NUB1: variants seen among roughly 807,000 people sequenced by gnomAD.
NUB1 encodes the protein negative regulator of ubiquitin like proteins 1.
In NUB1, 41 loss-of-function variants were observed where a neutral mutation model predicts 77.1. The observed-to-expected ratio is 0.53, with a 90% CI of 0.41 to 0.69. The LOEUF is 0.69. NUB1 is among the 30% of genes least tolerant of loss of function. The pLI is 0.00. For synonymous variants in NUB1, 257 were observed against 281.0 expected, an observed-to-expected ratio of 0.91 and a Z score of 0.85; for missense variants, 643 against 743.8, an observed-to-expected ratio of 0.86 and a Z score of 1.58.
At chr7:151,371,868 C>T (rs764161493) in intron 11 of NUB1, among the ~76,000 whole-genome samples, 13 of 152,224 alleles carry the variant, frequency 8.5e-5, no homozygotes, top group South Asian at 2.1e-4. Context: ...CAAGAGCTCT[C>T]GGCTGATTTT....
At position 151,377,069 on chromosome 7, in the gene NUB1, C is replaced by A; in HGVS notation, c.1692C>A (p.Asp564Glu). The change falls in exon 15 of 15, where the codon GAC becomes GAA. Residue 564 changes from aspartate (D) to glutamate (E), a missense_variant. By Grantham distance (45) the Asp-to-Glu change is conservative (BLOSUM62 2). Coordinates refer to ENST00000568733, the MANE Select transcript of NUB1 (RefSeq NM_001243351.2). Reference sequence around the variant, plus strand: ...TAGGAACCTCTAGTGCCTCAACAGACGAAGACATGGAGACAGAGGCCGTCA... The same window carrying A: ...TAGGAACCTCTAGTGCCTCAACAGAAGAAGACATGGAGACAGAGGCCGTCA... Reference protein sequence around the residue: ...DSAGTSSASTDEDMETEAVNE... With the variant: ...DSAGTSSASTEEDMETEAVNE... The A allele has an allele frequency of 1.3e-6, 2 of 1,565,526 alleles. No individual in the cohort carries two copies. Among genetic ancestry groups the A allele is most frequent in the East Asian group, 2.3e-5 (1 of 43,430 alleles).
rs759624297 is a variant in NUB1, at chr7:151,356,236, G to A, written c.693+14G>A. 4 of 1,562,366 alleles carry A rather than the reference G, an allele frequency of 2.6e-6. No homozygotes were observed. In the South Asian group the frequency reaches 4.5e-5, roughly 17 times the overall value. On this transcript the variant is annotated intron_variant, in intron 7 of 14. Transcript: ENST00000568733. Reference sequence around the variant, plus strand: ...TCAGAAAGAAAAGTAAGTACTATGAGAAATGTGTGGCCTGTTCTTAGATTT... The same window carrying A: ...TCAGAAAGAAAAGTAAGTACTATGAAAAATGTGTGGCCTGTTCTTAGATTT...
rs758140717 is a variant in NUB1 at position 151,354,322 on chromosome 7, C to CTTT, written c.416-1433_416-1431dup. Among the ~76,000 whole-genome samples the CTTT allele has an allele frequency of 1.1e-4, 14 of 127,168 alleles. 1 individual carries two copies. Among genetic ancestry groups the CTTT allele is most frequent in the Admixed American group, 4.7e-4 (6 of 12,752 alleles). 83.4% of individuals were successfully genotyped at this position (127,168 alleles called of 152,430 possible). The stretch of plus-strand genomic sequence containing the variant: ...ATCTGGTGACCTCCCCCCACCCTTG[C>CTTT]TTTTTTTTTTTTTTTAATCAAGATG... On this transcript the variant is annotated intron_variant, in intron 5 of 14. Coordinates refer to ENST00000568733, the MANE Select transcript of NUB1 (RefSeq NM_001243351.2).
intron 14 of NUB1, 100 bp downstream of exon 14, chr7:151,376,911 G>T: frequency 7.0e-7 from 1 of 1,433,750 alleles, no homozygotes; most frequent in Non-Finnish European, 9.3e-7. Context: ...CTGAGGGGGC[G>T]TCCCCTGACG....
At chr7:151,371,796 G>A (rs1797970556) in intron 11 of NUB1, among the ~76,000 whole-genome samples, 2 of 152,112 alleles carry the variant, frequency 1.3e-5, no homozygotes, top group Admixed American at 6.5e-5. Context: ...CAGGCTGGAG[G>A]GCAGTGGCGT....
At chr7:151,376,951 C>A in intron 14 of NUB1, 96 bp from the exon 15 acceptor site, 1 of 1,410,894 alleles carries the variant, frequency 7.1e-7, no homozygotes, top group Admixed American at 2.6e-5. Flanking sequence ...GACAGTGTGG[C>A]CAGCAAGAGG....
intron 9 of NUB1, among the ~76,000 whole-genome samples, 185 bp from the exon 10 acceptor site, chr7:151,367,676 T>TGA (rs1013744988): frequency 6.6e-6 from 1 of 152,266 alleles, no homozygotes; most frequent in South Asian, 2.1e-4. Flanking sequence ...ATGAGGAATG[T>TGA]TATCATACCA....
At chr7:151,365,545 C>A (rs1797632723) in intron 8 of NUB1, among the ~76,000 whole-genome samples, 1 of 152,112 alleles carries the variant, frequency 6.6e-6, no homozygotes, top group Admixed American at 6.5e-5. Context: ...GTCACTGGGA[C>A]CAGAATGTGC....
chr7:151,349,780 C>T (rs1554406729), intron 3 of NUB1, among the ~76,000 whole-genome samples: 1 of 152,240 alleles, frequency 6.6e-6, no homozygotes, highest in Non-Finnish European at 1.5e-5. Flanking sequence ...AGAGCATAGG[C>T]TCCAGCCCTA....
intron 1 of NUB1, 38 bp from the exon 2 acceptor site, chr7:151,345,310 C>T (rs749975721): frequency 2.1e-5 from 27 of 1,293,112 alleles, no homozygotes; most frequent in African/African-American, 2.9e-5. Context: ...TTTTAAAATG[C>T]GATGTGGAGT....
At chr7:151,367,557 G>T (rs1222047576) in intron 9 of NUB1, among the ~76,000 whole-genome samples, 1 of 152,212 alleles carries the variant, frequency 6.6e-6, no homozygotes, top group Non-Finnish European at 1.5e-5. Flanking sequence ...TGCTGATGCA[G>T]ACTCTCTGAT....
At chr7:151,351,377 A>G in intron 3 of NUB1, 47 bp from the exon 4 acceptor site, 1 of 1,416,326 alleles carries the variant, frequency 7.1e-7, no homozygotes, top group South Asian at 1.2e-5. Context: ...AATCTCTCCA[A>G]AATGGGTTAA....
chr7:151,344,115 A>G (rs1347443533), intron 1 of NUB1, among the ~76,000 whole-genome samples: 1 of 125,996 alleles, frequency 7.9e-6, no homozygotes, highest in Non-Finnish European at 1.6e-5. Flanking sequence ...CGGGAGGCGG[A>G]GCTTGCAGTG....
At chr7:151,344,925 AG>A (rs1349036227) in intron 1 of NUB1, among the ~76,000 whole-genome samples, 3 of 151,744 alleles carry the variant, frequency 2.0e-5, no homozygotes, top group Non-Finnish European at 4.4e-5. Flanking sequence ...GCTTGAACCC[AG>A]GGGGCGGAGC....
intron 5 of NUB1, among the ~76,000 whole-genome samples, chr7:151,354,502 T>C (rs888345745): frequency 2.6e-5 from 4 of 152,234 alleles, no homozygotes; most frequent in African/African-American, 9.6e-5. Flanking sequence ...TCTGTTTGCA[T>C]CTATGTTTAC....
At position 151,367,968 on chromosome 7, in the gene NUB1, G is replaced by T; in HGVS notation, c.1095G>T (p.Lys365Asn). Residue 365 changes from lysine to asparagine, a missense_variant and splice_region_variant, in exon 10 of 15, where the codon AAG (lysine) becomes AAT (asparagine). Transcript: ENST00000568733. ...TAGAGGCTTATGAGTATCTTAACAAGGTAAGAAAAGTAAAGTTGTAACCAA... is the reference window on the plus strand; with the variant it reads ...TAGAGGCTTATGAGTATCTTAACAATGTAAGAAAAGTAAAGTTGTAACCAA... ...NDVEAYEYLNKARQLFKELYI... is the reference protein window; with the variant it reads ...NDVEAYEYLNNARQLFKELYI... 1 of 1,533,042 alleles carries T rather than the reference G, an allele frequency of 6.5e-7. No individual in the cohort carries two copies. The highest frequency in any genetic ancestry group is 2.0e-5 in the Admixed American group (1 of 50,036). 95.0% of individuals were successfully genotyped at this position (1,533,042 alleles called of 1,614,324 possible).
intron 1 of NUB1, among the ~76,000 whole-genome samples, chr7:151,344,557 G>C (rs189760357): frequency 6.6e-6 from 1 of 151,102 alleles, no homozygotes; most frequent in African/African-American, 2.4e-5. Context: ...CCTGACCTCA[G>C]CTCCTGAACT....
intron 2 of NUB1, among the ~76,000 whole-genome samples, chr7:151,348,542 A>G (rs1796612366): frequency 6.9e-6 from 1 of 145,342 alleles, no homozygotes; most frequent in South Asian, 2.1e-4. Flanking sequence ...CATTTATCAA[A>G]TAAATGTTTT....
intron 12 of NUB1, among the ~76,000 whole-genome samples, chr7:151,375,255 G>T (rs1197842519): frequency 6.6e-6 from 1 of 152,048 alleles, no homozygotes; most frequent in Admixed American, 6.5e-5. Flanking sequence ...CATCTAGTTC[G>T]TTTTTTTGTG....
Sources: allele counts gnomAD v4.1 joint callset (sites outside exome capture counted in the v4.1 genomes callset), GRCh38; gene constraint gnomAD v4.1.1; transcripts MANE v1.5; gene names NCBI Gene and HGNC (gene_info 2026-07-23, HGNC 2026-07-21).